Variants in ABCA8 observed in about 807,000 individuals in gnomAD.
ABCA8 encodes ATP binding cassette subfamily A member 8, also known as ABC-type organic anion transporter ABCA8.
ABCA8 carries 177 observed loss-of-function variants against 192.3 expected under a neutral mutation model. The ratio of observed to expected loss-of-function variants is 0.92; its 90% CI spans 0.81 to 1.04. The LOEUF is 1.04. Among genes scored for constraint, ABCA8 ranks in the 50% least tolerant of loss-of-function variants. The probability of loss-of-function intolerance (pLI) is 0.00; values close to 1 mark genes in which losing one functional copy is unlikely to be tolerated. For synonymous variants in ABCA8, 642 were observed against 690.2 expected (o/e 0.93, Z 1.09); for missense variants, 1,915 against 1,904.8 (o/e 1.01, Z -0.10).
At chr17:68,897,813 A>G (rs1567840134) in intron 21 of ABCA8, among the ~76,000 whole-genome samples, 1 of 152,318 alleles carries the variant, frequency 6.6e-6, no homozygotes, top group East Asian at 1.9e-4. Flanking sequence ...TGCAACCTGA[A>G]GAACAACAAC....
At chr17:68,934,942 C>A (rs533951498) in intron 5 of ABCA8, among the ~76,000 whole-genome samples, 1 of 152,036 alleles carries the variant, frequency 6.6e-6, no homozygotes, top group East Asian at 1.9e-4. Context: ...TATTCTTGAT[C>A]TGTGTTGTTT....
rs184805526 is a variant in ABCA8 at position 68,877,017 on chromosome 17, T to A, written c.4200-314A>T. Among the ~76,000 whole-genome samples, 61 of 152,300 alleles carry A rather than the reference T, an allele frequency of 4.0e-4. 1 individual carries two copies. The highest frequency in any genetic ancestry group is 3.6e-3 in the Admixed American group (55 of 15,292). On this transcript the variant is annotated intron_variant, in intron 33 of 39. Transcript: ENST00000586539. ...AATTTTAAATTTTATTATTATTATT[T>A]TTTTGAGACAAGGTCTGACTCTATC...
Position 68,949,354 on chromosome 17 carries a change from T to A in ABCA8, c.-48A>T, listed in dbSNP as rs2068504466. 6.6e-6 allele frequency: 1 copy of A among 152,192 alleles called. No homozygotes were observed. The highest frequency in any genetic ancestry group is 2.4e-5 in the African/African-American group (1 of 41,444). The allele number at this position is 152,192 out of a possible 1,614,324, so 9.4% of individuals were successfully genotyped here. A position where few individuals can be genotyped will look rare whatever the true frequency, so the allele number is the denominator to read the frequency against. On this transcript the variant is annotated 5_prime_UTR_variant, in exon 2 of 40. Coordinates refer to ENST00000586539, the MANE Select transcript of ABCA8 (RefSeq NM_001288985.2). ...GGACCAGACAGATTCACAGCTGAAT[T>A]CTACCAGTGGTACAAGAGGAGCTGG...
At chr17:68,881,023 A>G in intron 32 of ABCA8, 97 bp downstream of exon 32, 2 of 824,500 alleles carry the variant, frequency 2.4e-6, no homozygotes, top group Non-Finnish European at 2.1e-6. Flanking sequence ...CACTTCAGTT[A>G]TATAAGGATT....
At chr17:68,924,559 T>G in intron 11 of ABCA8, 142 bp downstream of exon 11, 43 of 862,436 alleles carry the variant, frequency 5.0e-5, no homozygotes, top group Non-Finnish European at 7.2e-5. Flanking sequence ...TCTTTGAACT[T>G]GAGATGGAAA....
At chr17:68,899,479 T>C (rs1381907337) in intron 21 of ABCA8, among the ~76,000 whole-genome samples, 1 of 151,932 alleles carries the variant, frequency 6.6e-6, no homozygotes, top group Non-Finnish European at 1.5e-5. Context: ...ACAAAATAGA[T>C]GAAAACAAAA....
chr17:68,905,773 G>A (rs1197872017), intron 19 of ABCA8, among the ~76,000 whole-genome samples: 1 of 152,122 alleles, frequency 6.6e-6, no homozygotes, highest in African/African-American at 2.4e-5. Context: ...GTGGGTTCAT[G>A]TTTTATATTA....
chr17:68,891,045 A>C (rs1416217071), intron 24 of ABCA8, among the ~76,000 whole-genome samples: 2 of 152,212 alleles, frequency 1.3e-5, no homozygotes, highest in Non-Finnish European at 2.9e-5. Context: ...ATTTGTTGAA[A>C]AGTCTAATCT....
intron 1 of ABCA8, among the ~76,000 whole-genome samples, chr17:68,951,909 G>A (rs1490626364): frequency 6.6e-6 from 1 of 152,106 alleles, no homozygotes; most frequent in Admixed American, 6.5e-5. Flanking sequence ...TTTTTGTTTT[G>A]GATGATCTCT....
chr17:68,902,750 A>G lies in ABCA8; in HGVS notation c.2727T>C (p.His909=), dbSNP rs769762396. The G allele has an allele frequency of 3.7e-6, 6 of 1,613,830 alleles. No individual in the cohort carries two copies. In the South Asian group the frequency reaches 6.6e-5, roughly 18 times the overall value. ...LYFLAPGQQP[H]DPLTQLLIIN... ...TGATCAGTAGTTGAGTGAGAGGGTC[A>G]TGTGGTTGTTGTCCAGGAGCAAGGA... is the stretch of plus-strand genomic sequence containing the variant. Residue 909 remains histidine, a synonymous_variant, in exon 21 of 40, where the codon CAT becomes CAC. Transcript: ENST00000586539.
intron 28 of ABCA8, 83 bp downstream of exon 28, chr17:68,884,248 A>G (rs1271185992): frequency 7.3e-6 from 9 of 1,234,594 alleles, no homozygotes; most frequent in Non-Finnish European, 9.7e-6. Context: ...AACTTAATAA[A>G]AGAAGTTTCA....
chr17:68,877,792 T>A, intron 32 of ABCA8, 113 bp from the exon 33 acceptor site: 9 of 1,149,054 alleles, frequency 7.8e-6, no homozygotes, highest in Middle Eastern at 2.1e-4. Flanking sequence ...CTAAACCTCA[T>A]TGGGTTTAAT....
At chr17:68,913,927 A>AT (rs542571200) in intron 17 of ABCA8, among the ~76,000 whole-genome samples, 5 of 152,092 alleles carry the variant, frequency 3.3e-5, no homozygotes, top group Admixed American at 6.5e-5. Context: ...AGCAAACCGA[A>AT]TTCAACAACA....
chr17:68,917,317 A>C, intron 17 of ABCA8, 44 bp downstream of exon 17: 1 of 1,185,184 alleles, frequency 8.4e-7, no homozygotes, highest in South Asian at 1.4e-5. Context: ...TCAAGCATCA[A>C]GCCTTACACT....
At chr17:68,939,117 C>T (rs111480704) in intron 4 of ABCA8, among the ~76,000 whole-genome samples, 20 of 152,200 alleles carry the variant, frequency 1.3e-4, no homozygotes, top group African/African-American at 4.8e-4. Flanking sequence ...TTACCATTAC[C>T]ATGAGCATCT....
Position 68,911,950 on chromosome 17 carries a change from C to A in ABCA8, c.2139-4071G>T, listed in dbSNP as rs1247011045. On this transcript the variant is annotated intron_variant, in intron 17 of 39. Transcript: ENST00000586539. This position sits in a 1 kb window ranked among gnomAD's most constrained non-coding sequence, Gnocchi z 5.7. ...GACCAAAGACTTAGACCATAACATTCTATTCCCTTTGAATACTTGGAAAGC... is the reference window on the plus strand; with the variant it reads ...GACCAAAGACTTAGACCATAACATTATATTCCCTTTGAATACTTGGAAAGC... Among the ~76,000 whole-genome samples, 1 of 152,166 alleles carries A rather than the reference C, an allele frequency of 6.6e-6. No homozygotes were observed. The highest frequency in any genetic ancestry group is 1.9e-4 in the East Asian group (1 of 5,188).
chr17:68,884,243 A>T, intron 28 of ABCA8, 88 bp downstream of exon 28: 2 of 1,195,326 alleles, frequency 1.7e-6, no homozygotes, highest in Non-Finnish European at 2.2e-6. Context: ...TCTCTAACTT[A>T]ATAAAAGAAG....
At chr17:68,872,163 A>G (rs1439152257) in intron 37 of ABCA8, among the ~76,000 whole-genome samples, 1 of 151,822 alleles carries the variant, frequency 6.6e-6, no homozygotes, top group East Asian at 1.9e-4. Context: ...TCACAATAGC[A>G]AAGACTTGGA....
In ABCA8 at chr17:68,888,765, A is replaced by T. The variant is rs2066553886; in HGVS notation, c.3145-1259T>A. Reference sequence around the variant, plus strand: ...ATCAACCTTGGAGGTCAAATTAGATACAATTAGAGATCTGGGGTAGAGTCA... The same window carrying T: ...ATCAACCTTGGAGGTCAAATTAGATTCAATTAGAGATCTGGGGTAGAGTCA... On this transcript the variant is annotated intron_variant, in intron 24 of 39. Coordinates refer to ENST00000586539, the MANE Select transcript of ABCA8 (RefSeq NM_001288985.2). 2.0e-5 allele frequency among the ~76,000 whole-genome samples: 3 copies of T among 152,200 alleles called. No individual in the cohort carries two copies. The South Asian group carries it at 6.2e-4, about 31-fold the overall frequency.
Sources: gnomAD v4.1 joint callset for allele counts (sites outside exome capture counted in the v4.1 genomes callset) on GRCh38, gnomAD v4.1.1 for gene constraint, Gnocchi (gnomAD v3.1) non-coding constraint, MANE v1.5 for transcripts, NCBI Gene and HGNC (gene_info 2026-07-23, HGNC 2026-07-21) for gene names.